The following ATP10B variants were observed in gnomAD, a reference collection of about 807,000 sequenced individuals.
ATP10B encodes phospholipid-transporting ATPase VB.
ATP10B carries 122 observed loss-of-function variants against 141.2 expected under a neutral mutation model. The observed-to-expected ratio is 0.86, with a 90% CI of 0.75 to 1.00. The LOEUF (loss-of-function observed/expected upper bound fraction) is 1.00, where lower values mean the gene tolerates loss of function less well. Among genes scored for constraint, ATP10B ranks in the 50% least tolerant of loss-of-function variants. The pLI, the probability that ATP10B is intolerant of heterozygous loss-of-function variation, is 0.00. For synonymous variants in ATP10B, 685 were observed against 692.0 expected, an observed-to-expected ratio of 0.99 and a Z score of 0.16; for missense variants, 1,876 against 1,825.3, an observed-to-expected ratio of 1.03 and a Z score of -0.51.
At chr5:160,566,230 A>G (rs988026465) in intron 25 of ATP10B, among the ~76,000 whole-genome samples, 1 of 152,206 alleles carries the variant, frequency 6.6e-6, no homozygotes, top group African/African-American at 2.4e-5. Context: ...GAGAGATTTA[A>G]TGATTTGTCC....
chr5:160,815,889 G>C (rs1218744746), intron 1 of ATP10B, among the ~76,000 whole-genome samples: 1 of 152,134 alleles, frequency 6.6e-6, no homozygotes, highest in Admixed American at 6.5e-5. Context: ...CATCGAAACT[G>C]AACAATCTGC....
At chr5:160,715,485 C>G (rs1401215421) in intron 3 of ATP10B, among the ~76,000 whole-genome samples, 6 of 143,158 alleles carry the variant, frequency 4.2e-5, no homozygotes, top group Non-Finnish European at 9.1e-5. Flanking sequence ...GCGCACGGTG[C>G]GCACACACAC....
At position 160,686,114 on chromosome 5, in the gene ATP10B, T is replaced by C; in HGVS notation, c.435A>G (p.Lys145=). 1.2e-6 allele frequency: 2 copies of C among 1,600,012 alleles called. No individual in the cohort carries two copies. The highest frequency in any genetic ancestry group is 1.7e-6 in the Non-Finnish European group (2 of 1,171,670). ...MEDFKRHRFD[K]AINCSNIRIY... ...TTCGAATGTTGGAGCAGTTTATTGC[T>C]TTATCAAAGCGGTGTCTCTTGAAGT... is the stretch of plus-strand genomic sequence containing the variant. The change falls in exon 6 of 26, where the codon AAA becomes AAG. Residue 145 remains lysine, a synonymous_variant. Coordinates refer to ENST00000327245, the MANE Select transcript of ATP10B (RefSeq NM_025153.3).
At chr5:160,826,349 G>A (rs1454030307) in intron 1 of ATP10B, among the ~76,000 whole-genome samples, 1 of 152,128 alleles carries the variant, frequency 6.6e-6, no homozygotes, top group East Asian at 1.9e-4. Context: ...AGCCATGGCA[G>A]AGGAACGTAA....
At chr5:160,753,107 G>C (rs139481164) in intron 2 of ATP10B, among the ~76,000 whole-genome samples, 6 of 152,280 alleles carry the variant, frequency 3.9e-5, no homozygotes, top group Non-Finnish European at 8.8e-5. Context: ...CCAGGGGATG[G>C]TTAAGACAGA....
intron 12 of ATP10B, 76 bp downstream of exon 12, chr5:160,634,278 T>C (rs1759177780): frequency 6.3e-7 from 1 of 1,597,168 alleles, no homozygotes; most frequent in Non-Finnish European, 8.6e-7. Flanking sequence ...GAGAATGTCT[T>C]TTATCTCCTC....
rs775089362 is a variant in ATP10B at position 160,620,347 on chromosome 5, C to T, written c.2416G>A (p.Val806Ile). ...GGAACCCTGGTAAGGCAGGACTCAC[C>T]GCAGGCTGGGTCTTCCAGCAGGTCC... is the stretch of plus-strand genomic sequence containing the variant. ...IMDLLEDPAC[V>I]PDINMEKKLR... The change falls in exon 15 of 26, where the codon GTA becomes ATA. Residue 806 changes from valine to isoleucine, a missense_variant and splice_region_variant. Val to Ile is a conservative substitution (Grantham distance 29). Transcript: ENST00000327245. 4.0e-5 allele frequency: 64 copies of T among 1,605,256 alleles called. No individual in the cohort carries two copies. Among genetic ancestry groups the T allele is most frequent in the South Asian group, 9.0e-5 (8 of 89,310 alleles).
intron 1 of ATP10B, among the ~76,000 whole-genome samples, chr5:160,831,647 C>T (rs924128861): frequency 6.6e-6 from 1 of 152,032 alleles, no homozygotes; most frequent in African/African-American, 2.4e-5. Context: ...GAATCTACCC[C>T]ATCTCTAAGC....
intron 13 of ATP10B, among the ~76,000 whole-genome samples, chr5:160,628,647 C>T (rs142182316): frequency 1.5e-4 from 23 of 152,202 alleles, no homozygotes; most frequent in African/African-American, 4.8e-4. Context: ...TTTGGAGGAG[C>T]CTAACTGGCC....
intron 1 of ATP10B, among the ~76,000 whole-genome samples, chr5:160,787,295 G>T (rs1219060027): frequency 6.6e-6 from 1 of 152,166 alleles, no homozygotes. Flanking sequence ...TGTCTACAGG[G>T]TTCAGGCAGG....
intron 1 of ATP10B, among the ~76,000 whole-genome samples, chr5:160,837,490 T>C (rs1387752673): frequency 1.3e-5 from 2 of 152,194 alleles, no homozygotes; most frequent in Non-Finnish European, 2.9e-5. Flanking sequence ...GTTACCATTT[T>C]ACTTCATGAG....
chr5:160,718,802 C>G (rs968648916), intron 2 of ATP10B, among the ~76,000 whole-genome samples: 7 of 152,156 alleles, frequency 4.6e-5, no homozygotes, highest in Admixed American at 6.6e-5. Context: ...TCATCAGACC[C>G]CACCTCCCAT....
chr5:160,841,114 A>G (rs1462843509), intron 1 of ATP10B, among the ~76,000 whole-genome samples: 3 of 152,182 alleles, frequency 2.0e-5, no homozygotes, highest in African/African-American at 7.2e-5. Context: ...AGATACATAT[A>G]TATTTATGAG....
At chr5:160,870,377 T>C in the ATP10B span, among the ~76,000 whole-genome samples, 4 of 150,650 alleles carry the variant, frequency 2.7e-5, no homozygotes, top group Non-Finnish European at 5.9e-5. Context: ...ATAAAAAAAA[T>C]ACGAGGTGTA....
At chr5:160,603,791 T>C in intron 20 of ATP10B, 174 bp downstream of exon 20, 1 of 560,314 alleles carries the variant, frequency 1.8e-6, no homozygotes, top group Non-Finnish European at 3.2e-6. Flanking sequence ...ACTACGAAAG[T>C]GTACATTTGC....
At chr5:160,918,396 T>C in the ATP10B span, among the ~76,000 whole-genome samples, 1 of 152,176 alleles carries the variant, frequency 6.6e-6, no homozygotes, top group Admixed American at 6.5e-5. Context: ...TCACAGAATT[T>C]ATCTGAGCTC....
chr5:160,824,646 G>T (rs1296884066), intron 1 of ATP10B, among the ~76,000 whole-genome samples: 2 of 151,912 alleles, frequency 1.3e-5, no homozygotes, highest in Admixed American at 1.3e-4. Flanking sequence ...AATACAGCAT[G>T]TTTCTTTGCT....
At chr5:160,670,835 A>T (rs1490381460) in intron 6 of ATP10B, among the ~76,000 whole-genome samples, 168 bp from the exon 7 acceptor site, 1 of 152,034 alleles carries the variant, frequency 6.6e-6, no homozygotes, top group Non-Finnish European at 1.5e-5. Flanking sequence ...TAATCTCTCT[A>T]GAATAGCTAG....
chr5:160,897,365 T>A, the ATP10B span, among the ~76,000 whole-genome samples: 1 of 152,338 alleles, frequency 6.6e-6, no homozygotes, highest in Admixed American at 6.5e-5. Flanking sequence ...GAAATCAATG[T>A]GTAAAAATCA....
Sources: gnomAD v4.1 joint callset for allele counts (sites outside exome capture counted in the v4.1 genomes callset) on GRCh38, gnomAD v4.1.1 for gene constraint, MANE v1.5 for transcripts, NCBI Gene and HGNC (gene_info 2026-07-23, HGNC 2026-07-21) for gene names.